The following CPQ variants were observed in gnomAD, a reference collection of about 807,000 sequenced individuals.
The protein encoded by CPQ is carboxypeptidase Q.
Under a neutral mutation model 45.7 loss-of-function variants are expected in CPQ, and 37 were observed. The observed-to-expected ratio is 0.81, with a 90% CI of 0.62 to 1.07. CPQ has a LOEUF of 1.07. Ranked by LOEUF, CPQ falls within the 50% of genes least tolerant of loss-of-function variation. CPQ has a pLI of 0.00. For synonymous variants in CPQ, 186 were observed against 205.8 expected, an observed-to-expected ratio of 0.90 and a Z score of 0.82; for missense variants, 537 against 572.9, an observed-to-expected ratio of 0.94 and a Z score of 0.64.
At chr8:97,106,586 T>A (rs1354979876) in intron 7 of CPQ, among the ~76,000 whole-genome samples, 1 of 152,228 alleles carries the variant, frequency 6.6e-6, no homozygotes, top group Non-Finnish European at 1.5e-5. Flanking sequence ...AAATTTAAAA[T>A]TAAATTCTTC....
At chr8:96,796,213 T>C (rs994829303) in intron 2 of CPQ, among the ~76,000 whole-genome samples, 1 of 152,164 alleles carries the variant, frequency 6.6e-6, no homozygotes, top group African/African-American at 2.4e-5. Context: ...AAAAGTGATA[T>C]TTCCCTATTA....
chr8:96,858,004 A>T (rs1014764645), intron 3 of CPQ, among the ~76,000 whole-genome samples: 3 of 152,196 alleles, frequency 2.0e-5, no homozygotes, highest in Non-Finnish European at 4.4e-5. Context: ...GGCTTAAATC[A>T]TAAACATGTT....
chr8:96,781,663 T>A (rs1191867406), intron 1 of CPQ, among the ~76,000 whole-genome samples: 1 of 152,226 alleles, frequency 6.6e-6, no homozygotes, highest in Non-Finnish European at 1.5e-5. Context: ...TCCAAAGTCT[T>A]AATTCCTTCC....
At chr8:96,891,536 CA>C (rs1178588342) in intron 4 of CPQ, among the ~76,000 whole-genome samples, 1 of 152,126 alleles carries the variant, frequency 6.6e-6, no homozygotes. Flanking sequence ...TGAGCAATGA[CA>C]GGGGTGGCTG....
intron 4 of CPQ, among the ~76,000 whole-genome samples, chr8:96,915,336 T>C (rs377325950): frequency 1.3e-5 from 2 of 152,264 alleles, no homozygotes; most frequent in South Asian, 2.1e-4. Context: ...GCTGTAATGC[T>C]GAACACCAAA....
intron 1 of CPQ, among the ~76,000 whole-genome samples, chr8:96,670,928 C>T (rs375549192): frequency 7.6e-5 from 11 of 145,024 alleles, no homozygotes; most frequent in East Asian, 3.9e-4. Context: ...AGCAACAGGA[C>T]GGACGGATCC....
At chr8:96,929,838 T>TA (rs1245441810) in intron 4 of CPQ, among the ~76,000 whole-genome samples, 5 of 152,210 alleles carry the variant, frequency 3.3e-5, no homozygotes, top group African/African-American at 1.2e-4. Context: ...CTCTGACTGT[T>TA]AGAGCATCTC....
intron 7 of CPQ, among the ~76,000 whole-genome samples, chr8:97,103,882 A>G (rs1020927472): frequency 9.9e-5 from 15 of 152,192 alleles, no homozygotes; most frequent in Non-Finnish European, 1.9e-4. Flanking sequence ...TCCCTGGCAC[A>G]TTATCTTCCG....
At chr8:96,854,492 C>G (rs1269592534) in intron 3 of CPQ, among the ~76,000 whole-genome samples, 3 of 116,824 alleles carry the variant, frequency 2.6e-5, no homozygotes, top group Non-Finnish European at 4.9e-5. Flanking sequence ...GATTGCGCCA[C>G]TGCACTCCAG....
chr8:96,974,066 T>A (rs923301215), intron 5 of CPQ, among the ~76,000 whole-genome samples: 5 of 152,134 alleles, frequency 3.3e-5, no homozygotes, highest in Non-Finnish European at 7.4e-5. Context: ...ACTTAAAAGA[T>A]AACAGAATGA....
intron 7 of CPQ, chr8:97,092,275 A>G (rs910700222): frequency 6.6e-6 from 1 of 152,228 alleles, no homozygotes; most frequent in Non-Finnish European, 1.5e-5. Context: ...CCTCAGAATC[A>G]TAAGGTTTAA....
intron 1 of CPQ, among the ~76,000 whole-genome samples, chr8:96,661,024 A>G (rs1034060624): frequency 3.3e-5 from 5 of 152,310 alleles, no homozygotes; most frequent in African/African-American, 4.8e-5. Context: ...TTATTTCTGT[A>G]TATATGAAAC....
At chr8:96,724,154 G>A (rs573960615) in intron 1 of CPQ, among the ~76,000 whole-genome samples, 3 of 151,372 alleles carry the variant, frequency 2.0e-5, no homozygotes, top group Non-Finnish European at 4.4e-5. Context: ...CTCTCTCCCT[G>A]CCCCCTTGCT....
At chr8:96,841,703 C>T (rs1046596527) in intron 3 of CPQ, among the ~76,000 whole-genome samples, 1 of 152,156 alleles carries the variant, frequency 6.6e-6, no homozygotes, top group African/African-American at 2.4e-5. Flanking sequence ...CCTTTGTGTA[C>T]TGTATTGACA....
chr8:96,856,409 CAA>C (rs1811852006), intron 3 of CPQ, among the ~76,000 whole-genome samples: 1 of 152,258 alleles, frequency 6.6e-6, no homozygotes, highest in South Asian at 2.1e-4. Context: ...ATAAAGGACT[CAA>C]GAGTGACTGC....
chr8:96,732,176 T>G (rs1809921678), intron 1 of CPQ: 2 of 152,212 alleles, frequency 1.3e-5, no homozygotes, highest in Non-Finnish European at 2.9e-5. Context: ...TCACAGTCAT[T>G]GAACTAGTGA....
chr8:96,805,629 G>C (rs1344645683), intron 2 of CPQ, among the ~76,000 whole-genome samples: 1 of 152,100 alleles, frequency 6.6e-6, no homozygotes. Flanking sequence ...TGCACAGTCA[G>C]TGCCATCAGT....
At chr8:96,767,635 CTTTTTTTTTTTT>C (rs1172189500) in intron 1 of CPQ, among the ~76,000 whole-genome samples, 5 of 39,314 alleles carry the variant, frequency 1.3e-4, no homozygotes, top group Admixed American at 1.2e-3. Context: ...GTTACCTATG[CTTTTTTTTTTTT>C]TTTTTTTTTT....
intron 4 of CPQ, among the ~76,000 whole-genome samples, chr8:96,928,344 G>A (rs539037902): frequency 1.3e-5 from 2 of 150,698 alleles, no homozygotes; most frequent in Non-Finnish European, 2.9e-5. Flanking sequence ...TTATTAAGGG[G>A]TTATCGTTCC....
Sources: allele counts gnomAD v4.1 joint callset (sites outside exome capture counted in the v4.1 genomes callset), GRCh38; gene constraint gnomAD v4.1.1; transcripts MANE v1.5; gene names NCBI Gene and HGNC (gene_info 2026-07-23, HGNC 2026-07-21).